The following CPNE4 variants were observed in gnomAD, a reference collection of about 807,000 sequenced individuals.
CPNE4 encodes the protein copine-4.
A neutral mutation model predicts 67.9 loss-of-function variants in CPNE4; 25 were observed. The ratio of observed to expected loss-of-function variants is 0.37; its 90% CI spans 0.27 to 0.51. The LOEUF (loss-of-function observed/expected upper bound fraction) is 0.51, where lower values mean the gene tolerates loss of function less well. Ranked by LOEUF, CPNE4 falls within the 20% of genes least tolerant of loss-of-function variation. The pLI, the probability that CPNE4 is intolerant of heterozygous loss-of-function variation, is 0.93. For synonymous variants in CPNE4, 242 were observed against 244.9 expected (o/e 0.99, Z 0.11); for missense variants, 464 against 690.8 (o/e 0.67, Z 3.68).
intron 1 of CPNE4, among the ~76,000 whole-genome samples, chr3:132,001,024 C>T (rs1156557598): frequency 7.2e-5 from 11 of 151,942 alleles, no homozygotes; most frequent in South Asian, 2.1e-4. Flanking sequence ...CTCAACAAAA[C>T]CAGTCAAGAC....
intron 2 of CPNE4, among the ~76,000 whole-genome samples, chr3:131,745,798 C>T (rs2082473901): frequency 6.6e-6 from 1 of 152,088 alleles, no homozygotes; most frequent in Admixed American, 6.5e-5. Context: ...ATTACTGTTG[C>T]TATATGGTAA....
intron 2 of CPNE4, among the ~76,000 whole-genome samples, chr3:131,885,769 C>T (rs950160693): frequency 6.6e-6 from 1 of 152,024 alleles, no homozygotes; most frequent in Non-Finnish European, 1.5e-5. Context: ...CAATTCCTAC[C>T]TATGAGTGAG....
intron 1 of CPNE4, among the ~76,000 whole-genome samples, chr3:131,961,826 C>A (rs912453821): frequency 6.6e-6 from 1 of 152,094 alleles, no homozygotes; most frequent in African/African-American, 2.4e-5. Context: ...TCACACATAC[C>A]AAATATCAAA....
At chr3:131,967,647 C>G (rs192527619) in intron 1 of CPNE4, among the ~76,000 whole-genome samples, 2 of 152,076 alleles carry the variant, frequency 1.3e-5, no homozygotes, top group Admixed American at 6.6e-5. Context: ...AATAAAATAC[C>G]TAGGAATACA....
intron 2 of CPNE4, among the ~76,000 whole-genome samples, chr3:131,859,864 C>G (rs73203871): frequency 0.075 from 11,489 of 152,176 alleles, 581 homozygotes; most frequent in East Asian, 0.17. Flanking sequence ...GAGAGGCATT[C>G]ACCTTACTTA....
intron 2 of CPNE4, among the ~76,000 whole-genome samples, chr3:131,875,594 C>A (rs967986681): frequency 5.3e-5 from 8 of 151,834 alleles, no homozygotes; most frequent in Admixed American, 2.0e-4. Context: ...AAAAACCAAA[C>A]ACCGCATGTT....
chr3:131,635,889 G>A (rs1214916632), intron 7 of CPNE4, among the ~76,000 whole-genome samples: 1 of 128,474 alleles, frequency 7.8e-6, no homozygotes, highest in Non-Finnish European at 1.5e-5. Flanking sequence ...AGACCATCCC[G>A]GCTAAAACGG....
At chr3:132,021,475 T>C (rs1432356035) in intron 1 of CPNE4, among the ~76,000 whole-genome samples, 1 of 152,220 alleles carries the variant, frequency 6.6e-6, no homozygotes, top group Non-Finnish European at 1.5e-5. Flanking sequence ...AGGGGTTGTC[T>C]AACTTTTTCT....
intron 6 of CPNE4, among the ~76,000 whole-genome samples, chr3:131,682,565 T>C (rs1183720944): frequency 2.6e-5 from 4 of 152,144 alleles, no homozygotes; most frequent in African/African-American, 9.7e-5. Flanking sequence ...CTGCCACCAC[T>C]GGACTGCACT....
intron 2 of CPNE4, among the ~76,000 whole-genome samples, chr3:131,742,955 G>T (rs1244739345): frequency 6.6e-6 from 1 of 151,616 alleles, no homozygotes; most frequent in Non-Finnish European, 1.5e-5. Context: ...TAATAAACAA[G>T]AATAATAATA....
intron 7 of CPNE4, among the ~76,000 whole-genome samples, chr3:131,599,748 C>A (rs1939097824): frequency 6.6e-6 from 1 of 152,076 alleles, no homozygotes; most frequent in Non-Finnish European, 1.5e-5. Context: ...TGAAAGTATG[C>A]TGGCAAGATG....
At chr3:132,026,034 A>C (rs748652591) in intron 1 of CPNE4, among the ~76,000 whole-genome samples, 2 of 152,240 alleles carry the variant, frequency 1.3e-5, no homozygotes, top group African/African-American at 4.8e-5. Context: ...AACTATGTGC[A>C]GTAGTAATAT....
In CPNE4 at chr3:131,709,088, C is replaced by T. The variant is rs116695372; in HGVS notation, c.361-9108G>A. On this transcript the variant is annotated intron_variant, in intron 3 of 15. Transcript: ENST00000429747. ...ATGTCCACGGTAAGTGGACACATTACATGAATTCTGATATCAGGATGTTTA... is the reference window on the plus strand; with the variant it reads ...ATGTCCACGGTAAGTGGACACATTATATGAATTCTGATATCAGGATGTTTA... Among the ~76,000 whole-genome samples the T allele has an allele frequency of 6.5e-3, 977 of 149,818 alleles. 11 individuals carry two copies. Among genetic ancestry groups the T allele is most frequent in the African/African-American group, 0.023 (924 of 40,802 alleles).
At chr3:131,827,541 T>C (rs2085210426) in intron 2 of CPNE4, among the ~76,000 whole-genome samples, 1 of 152,034 alleles carries the variant, frequency 6.6e-6, no homozygotes, top group Non-Finnish European at 1.5e-5. Flanking sequence ...CTAAACACAA[T>C]AACCCATAAT....
intron 2 of CPNE4, among the ~76,000 whole-genome samples, chr3:131,773,276 T>G (rs549019102): frequency 7.2e-5 from 11 of 152,186 alleles, no homozygotes; most frequent in Non-Finnish European, 1.5e-4. Context: ...ACCTGTTTTA[T>G]TTTAATAAAT....
At chr3:131,863,492 C>A (rs550410925) in intron 2 of CPNE4, among the ~76,000 whole-genome samples, 2 of 152,340 alleles carry the variant, frequency 1.3e-5, no homozygotes, top group East Asian at 1.9e-4. Flanking sequence ...TGTCTTTTGG[C>A]TGCATAAATG....
chr3:131,990,392 G>A (rs7624329), intron 1 of CPNE4, among the ~76,000 whole-genome samples: 83,939 of 134,180 alleles, frequency 0.63, 33,655 homozygotes, highest in South Asian at 0.83. Context: ...CTATTGTTAT[G>A]TAGAGGTGGA....
At chr3:131,789,035 C>CACACACAGAGAGAGAG in intron 2 of CPNE4, among the ~76,000 whole-genome samples, 1 of 137,304 alleles carries the variant, frequency 7.3e-6, no homozygotes, top group African/African-American at 2.8e-5. Context: ...CACACACACA[C>CACACACAGAGAGAGAG]AGAGAGAGAG....
intron 2 of CPNE4, among the ~76,000 whole-genome samples, chr3:131,894,819 A>G (rs2088263565): frequency 6.6e-6 from 1 of 152,004 alleles, no homozygotes; most frequent in Admixed American, 6.6e-5. Flanking sequence ...TCAAAAAATT[A>G]AAAATAGAAC....
Sources: allele counts gnomAD v4.1 joint callset (sites outside exome capture counted in the v4.1 genomes callset), GRCh38; gene constraint gnomAD v4.1.1; transcripts MANE v1.5; gene names NCBI Gene and HGNC (gene_info 2026-07-23, HGNC 2026-07-21).